The following DPP10 variants were observed in gnomAD, a reference collection of about 807,000 sequenced individuals.
DPP10 encodes the protein inactive dipeptidyl peptidase 10.
A neutral mutation model predicts 120.9 loss-of-function variants in DPP10; 33 were observed. The observed-to-expected ratio is 0.27, with a 90% confidence interval of 0.21 to 0.37. The LOEUF is 0.37. Ranked by LOEUF, DPP10 falls within the 10% of genes least tolerant of loss-of-function variation. The probability of loss-of-function intolerance (pLI) is 1.00; values close to 1 mark genes in which losing one functional copy is unlikely to be tolerated. For missense variants in DPP10, 816 were observed against 942.8 expected, an observed-to-expected ratio of 0.87 and a Z score of 1.76; for synonymous variants, 337 against 326.1, an observed-to-expected ratio of 1.03 and a Z score of -0.36.
intron 1 of DPP10, among the ~76,000 whole-genome samples, chr2:114,945,939 C>G (rs537597897): frequency 3.3e-5 from 5 of 152,312 alleles, no homozygotes; most frequent in African/African-American, 9.6e-5. Flanking sequence ...AACATGTACT[C>G]TAAGCCAAGT....
At chr2:114,463,341 T>G (rs895319079) in intron 1 of DPP10, 2 of 152,184 alleles carry the variant, frequency 1.3e-5, no homozygotes, top group African/African-American at 4.8e-5. Flanking sequence ...ATTTGAAAAC[T>G]GAGAAAATTG....
intron 11 of DPP10, among the ~76,000 whole-genome samples, chr2:115,755,142 A>C (rs75607570): frequency 0.022 from 3,322 of 152,176 alleles, 117 homozygotes; most frequent in African/African-American, 0.075. Flanking sequence ...TCTGAGGTCT[A>C]TTATAAATTA....
chr2:114,468,814 C>T (rs993997448), intron 1 of DPP10, among the ~76,000 whole-genome samples: 2 of 152,174 alleles, frequency 1.3e-5, no homozygotes, highest in African/African-American at 2.4e-5. Context: ...AATACTTTCA[C>T]AGCACTTGAG....
At chr2:114,468,301 G>C (rs968147814) in intron 1 of DPP10, among the ~76,000 whole-genome samples, 1 of 150,738 alleles carries the variant, frequency 6.6e-6, no homozygotes, top group East Asian at 1.9e-4. Context: ...GATCCCTCTA[G>C]GGTGTAGTGT....
At position 115,780,904 on chromosome 2, in the gene DPP10, A is replaced by G. The variant is rs770240987; in HGVS notation, c.1392A>G (p.Gln464=). Residue 464 remains glutamine, a synonymous_variant, in exon 16 of 26, where the codon CAA becomes CAG. Transcript: ENST00000410059. ...CTACTGAAGGATTATTGAATCGCCA[A>G]TGCATTTCATGTAATTTCATGAAAG... ...SASTEGLLNR[Q]CISCNFMKEQ... The G allele has an allele frequency of 3.1e-5, 50 of 1,604,352 alleles. No individual in the cohort carries two copies. The highest frequency in any genetic ancestry group is 3.8e-5 in the Non-Finnish European group (45 of 1,173,830).
At chr2:115,269,622 C>T (rs1343509270) in intron 1 of DPP10, among the ~76,000 whole-genome samples, 4 of 152,138 alleles carry the variant, frequency 2.6e-5, no homozygotes, top group African/African-American at 7.2e-5. Context: ...ATGGGACTTT[C>T]TCATGACATG....
In DPP10 at chr2:114,942,190, G is replaced by A. The variant is rs575723304; in HGVS notation, c.61-367049G>A. Among the ~76,000 whole-genome samples, 11 of 150,076 alleles carry A rather than the reference G, an allele frequency of 7.3e-5. No homozygotes were observed. In the East Asian group the frequency reaches 1.2e-3, roughly 16 times the overall value. On this transcript the variant is annotated intron_variant, in intron 1 of 25. Transcript: ENST00000410059. ...CGGGAGACTAAAGCAGGAGAATGGCGTGAACCCGGCAGGTGGAGCTAGCAG... is the reference window on the plus strand; with the variant it reads ...CGGGAGACTAAAGCAGGAGAATGGCATGAACCCGGCAGGTGGAGCTAGCAG...
In DPP10 at chr2:115,782,359, G is replaced by T. The variant is rs201256183; in HGVS notation, c.1491G>T (p.Arg497Ser). The part of the protein sequence containing the change: ...QHFLLFCEGP[R>S]VPVVSLHSTD... ...CATATTTTTAAATTCCAGGTCCAAGGGTCCCAGTGGTCAGCCTACATAGTA... is the reference window on the plus strand; with the variant it reads ...CATATTTTTAAATTCCAGGTCCAAGTGTCCCAGTGGTCAGCCTACATAGTA... Residue 497 changes from arginine (R) to serine (S), a missense_variant, in exon 17 of 26, where the codon AGG becomes AGT. Transcript: ENST00000410059. The T allele has an allele frequency of 7.9e-5, 128 of 1,611,230 alleles. No homozygotes were observed. Among genetic ancestry groups the T allele is most frequent in the Non-Finnish European group, 1.0e-4 (120 of 1,177,954 alleles).
At chr2:114,606,555 C>T (rs756083381) in intron 1 of DPP10, among the ~76,000 whole-genome samples, 9 of 152,068 alleles carry the variant, frequency 5.9e-5, no homozygotes, top group Non-Finnish European at 8.8e-5. Flanking sequence ...TTCACAGTCT[C>T]ATATATTCGG....
In DPP10 at chr2:114,526,070, T is replaced by C. The variant is rs143490715; in HGVS notation, c.60+83232T>C. ...ATCATATCAGACACTGAAAACAAAG[T>C]CATATTTTATTGCCAAAGAGAAATG... On this transcript the variant is annotated intron_variant, in intron 1 of 25. Coordinates refer to ENST00000410059, the MANE Select transcript of DPP10 (RefSeq NM_020868.6). 2.5e-3 allele frequency among the ~76,000 whole-genome samples: 381 copies of C among 152,286 alleles called. 2 individuals carry two copies. Among genetic ancestry groups the C allele is most frequent in the African/African-American group, 8.7e-3 (363 of 41,570 alleles).
At chr2:115,703,746 G>A (rs1040104854) in intron 7 of DPP10, among the ~76,000 whole-genome samples, 3 of 151,952 alleles carry the variant, frequency 2.0e-5, no homozygotes, top group Admixed American at 6.6e-5. Flanking sequence ...GTCTAGACTA[G>A]TGTTTTACCA....
chr2:115,459,221 A>G (rs2073826470), intron 3 of DPP10, among the ~76,000 whole-genome samples: 1 of 151,760 alleles, frequency 6.6e-6, no homozygotes, highest in Non-Finnish European at 1.5e-5. Flanking sequence ...CAGTGGCACA[A>G]TGTGGTCTCA....
intron 1 of DPP10, among the ~76,000 whole-genome samples, chr2:114,755,776 A>G (rs1167218208): frequency 1.3e-5 from 2 of 152,232 alleles, no homozygotes; most frequent in South Asian, 4.1e-4. Context: ...TGAAAGATAA[A>G]TGTGCTAAAA....
chr2:114,916,438 T>A (rs1292850306), intron 1 of DPP10, among the ~76,000 whole-genome samples: 1 of 152,072 alleles, frequency 6.6e-6, no homozygotes, highest in Non-Finnish European at 1.5e-5. Context: ...ATTCAAAAAA[T>A]CAAAGAGGAG....
At chr2:115,186,911 G>T (rs2054480769) in intron 1 of DPP10, among the ~76,000 whole-genome samples, 1 of 151,380 alleles carries the variant, frequency 6.6e-6, no homozygotes, top group Non-Finnish European at 1.5e-5. Flanking sequence ...TATATGCTAG[G>T]GTACAGCCTC....
chr2:115,271,675 C>G (rs2059706265), intron 1 of DPP10, among the ~76,000 whole-genome samples: 1 of 151,886 alleles, frequency 6.6e-6, no homozygotes, highest in Admixed American at 6.6e-5. Context: ...AAAACAAAAG[C>G]AGATTTTGAA....
intron 1 of DPP10, among the ~76,000 whole-genome samples, chr2:114,744,757 A>G (rs1678408016): frequency 6.6e-6 from 1 of 152,070 alleles, no homozygotes; most frequent in Non-Finnish European, 1.5e-5. Flanking sequence ...CCATATGGCC[A>G]CAATGCCTAA....
At chr2:114,819,634 A>C (rs1685927272) in intron 1 of DPP10, among the ~76,000 whole-genome samples, 1 of 152,254 alleles carries the variant, frequency 6.6e-6, no homozygotes. Context: ...CAAACCTTGC[A>C]AAAGCTCAAA....
At chr2:114,971,981 C>T (rs1019506867) in intron 1 of DPP10, among the ~76,000 whole-genome samples, 5 of 152,106 alleles carry the variant, frequency 3.3e-5, no homozygotes, top group African/African-American at 1.2e-4. Flanking sequence ...AGTGTGTCAT[C>T]CTTTATAGTA....
Sources: gnomAD v4.1 joint callset for allele counts (sites outside exome capture counted in the v4.1 genomes callset) on GRCh38, gnomAD v4.1.1 for gene constraint, MANE v1.5 for transcripts, NCBI Gene and HGNC (gene_info 2026-07-23, HGNC 2026-07-21) for gene names.